Variants in SNX29 observed in about 807,000 individuals in gnomAD.
SNX29 encodes sorting nexin 29.
Under a neutral mutation model 102.1 loss-of-function variants are expected in SNX29, and 78 were observed. That is an observed-to-expected ratio of 0.76 (90% CI 0.64 to 0.92). SNX29 has a LOEUF of 0.92. Ranked by LOEUF, SNX29 falls within the 40% of genes least tolerant of loss-of-function variation. SNX29 has a pLI of 0.00. For synonymous variants in SNX29, 580 were observed against 414.5 expected (o/e 1.40, Z -4.85); for missense variants, 1,280 against 1,061.7 (o/e 1.21, Z -2.86).
intron 20 of SNX29, among the ~76,000 whole-genome samples, chr16:12,549,500 GATGTTC>G (rs1163095102): frequency 6.6e-6 from 1 of 151,594 alleles, no homozygotes; most frequent in Non-Finnish European, 1.5e-5. Flanking sequence ...CACATACAAA[GATGTTC>G]ATGCCATTTT....
At chr16:12,472,142 C>T (rs1213897889) in intron 18 of SNX29, among the ~76,000 whole-genome samples, 1 of 152,202 alleles carries the variant, frequency 6.6e-6, no homozygotes, top group Admixed American at 6.5e-5. Flanking sequence ...TACACAGAAA[C>T]ACAGCTGCAT....
chr16:12,513,153 C>G (rs1268562608), intron 19 of SNX29, among the ~76,000 whole-genome samples: 2 of 151,610 alleles, frequency 1.3e-5, no homozygotes, highest in Admixed American at 1.3e-4. Flanking sequence ...TCCTCCCTTC[C>G]TCTGAACTCC....
chr16:12,561,744 T>C (rs12930375), intron 20 of SNX29, among the ~76,000 whole-genome samples: 40,003 of 151,936 alleles, frequency 0.26, 5,872 homozygotes, highest in East Asian at 0.44. Flanking sequence ...AGGATGGAGA[T>C]GGAGTTTCTG....
chr16:12,287,534 G>A (rs2079638619), intron 15 of SNX29, among the ~76,000 whole-genome samples: 1 of 152,156 alleles, frequency 6.6e-6, no homozygotes, highest in African/African-American at 2.4e-5. Flanking sequence ...TGTTTGGAAG[G>A]AAATCCAAAG....
At chr16:12,383,740 G>A (rs917098085) in intron 16 of SNX29, among the ~76,000 whole-genome samples, 30 of 136,114 alleles carry the variant, frequency 2.2e-4, no homozygotes, top group African/African-American at 7.6e-4. Flanking sequence ...CCAGCCTGAT[G>A]TAACATTAAA....
chr16:12,163,362 C>T (rs1307483800), intron 13 of SNX29, among the ~76,000 whole-genome samples: 4 of 151,976 alleles, frequency 2.6e-5, no homozygotes, highest in South Asian at 4.2e-4. Context: ...GAGGGCTTTA[C>T]GAGAAGCTTG....
intron 17 of SNX29, among the ~76,000 whole-genome samples, chr16:12,401,449 CTGCCTCCGGGTTCAAGTGA>C (rs1407768816): frequency 6.9e-6 from 1 of 145,798 alleles, no homozygotes; most frequent in Non-Finnish European, 1.5e-5. Flanking sequence ...ACTGCAACCT[CTGCCTCCGGGTTCAAGTGA>C]TTCTCCTGCC....
chr16:12,443,205 G>T, intron 18 of SNX29: 3 of 348,596 alleles, frequency 8.6e-6, no homozygotes, highest in South Asian at 6.5e-5. Flanking sequence ...AGTAGATCCT[G>T]CTGGGGACAT....
At chr16:12,544,250 A>G (rs1256341542) in intron 20 of SNX29, among the ~76,000 whole-genome samples, 1 of 150,996 alleles carries the variant, frequency 6.6e-6, no homozygotes, top group Non-Finnish European at 1.5e-5. Context: ...AAACTAACTT[A>G]CCCAGATTGC....
intron 15 of SNX29, among the ~76,000 whole-genome samples, chr16:12,325,889 T>G (rs2081098273): frequency 6.6e-6 from 1 of 151,944 alleles, no homozygotes; most frequent in South Asian, 2.1e-4. Flanking sequence ...ATTAGTTGGG[T>G]GTGGGGGCAT....
chr16:12,484,179 C>T (rs772725050), intron 19 of SNX29, among the ~76,000 whole-genome samples: 10 of 152,118 alleles, frequency 6.6e-5, no homozygotes, highest in Non-Finnish European at 1.2e-4. Context: ...GACAGGGTCT[C>T]TCTCTGTCAC....
At chr16:12,146,514 C>A (rs541797089) in intron 13 of SNX29, among the ~76,000 whole-genome samples, 3 of 152,336 alleles carry the variant, frequency 2.0e-5, no homozygotes, top group Admixed American at 2.0e-4. Flanking sequence ...GATCCACCCG[C>A]CTTGGCCTCC....
At chr16:12,555,669 G>C (rs142461161) in intron 20 of SNX29, among the ~76,000 whole-genome samples, 2,324 of 152,074 alleles carry the variant, frequency 0.015, 54 homozygotes, top group African/African-American at 0.052. Context: ...ACTCCTGCAC[G>C]AAGTCTGAGA....
At chr16:12,414,797 T>A (rs2084557776) in intron 18 of SNX29, among the ~76,000 whole-genome samples, 1 of 152,200 alleles carries the variant, frequency 6.6e-6, no homozygotes, top group African/African-American at 2.4e-5. Flanking sequence ...TCTTGGCTTA[T>A]AGCAACCTTC....
chr16:12,034,994 G>A lies in SNX29; in HGVS notation c.247+7550G>A, dbSNP rs867650999. Among the ~76,000 whole-genome samples the A allele has an allele frequency of 6.8e-4, 103 of 151,976 alleles. 1 individual carries two copies. The Middle Eastern group carries it at 0.014, about 20-fold the overall frequency. On this transcript the variant is annotated intron_variant, in intron 4 of 20. Coordinates refer to ENST00000566228, the MANE Select transcript of SNX29 (RefSeq NM_032167.5). Reference sequence around the variant, plus strand: ...CCCTGGCACTCCAGCCTGGGCGACAGAGCAAGACTCCACCTCAAAAAAAAA... The same window carrying A: ...CCCTGGCACTCCAGCCTGGGCGACAAAGCAAGACTCCACCTCAAAAAAAAA...
At chr16:12,272,501 G>A (rs1480414342) in intron 14 of SNX29, among the ~76,000 whole-genome samples, 1 of 152,208 alleles carries the variant, frequency 6.6e-6, no homozygotes. Flanking sequence ...AGGTATCTGT[G>A]TCCTGGTTGC....
At chr16:12,522,438 T>A (rs192617592) in intron 19 of SNX29, among the ~76,000 whole-genome samples, 238 of 152,284 alleles carry the variant, frequency 1.6e-3, no homozygotes, top group African/African-American at 5.4e-3. Context: ...GATTTGTTTT[T>A]ATTTTTTAGA....
chr16:12,537,399 C>T (rs1021910981), intron 20 of SNX29, among the ~76,000 whole-genome samples: 12 of 152,220 alleles, frequency 7.9e-5, no homozygotes, highest in Non-Finnish European at 1.6e-4. Flanking sequence ...TTGAGCCAAA[C>T]AGACCTGGGC....
At chr16:12,078,982 C>T in intron 11 of SNX29, 67 bp downstream of exon 11, 1 of 1,375,408 alleles carries the variant, frequency 7.3e-7, no homozygotes, top group South Asian at 1.4e-5. Context: ...CATGGCGGTG[C>T]CTTTGTGCTT....
Sources: allele counts gnomAD v4.1 joint callset (sites outside exome capture counted in the v4.1 genomes callset), GRCh38; gene constraint gnomAD v4.1.1; transcripts MANE v1.5; gene names NCBI Gene and HGNC (gene_info 2026-07-23, HGNC 2026-07-21).